The following GABRR2 variants were observed in gnomAD, a reference collection of about 807,000 sequenced individuals.
The protein encoded by GABRR2 is gamma-aminobutyric acid receptor subunit rho-2.
A neutral mutation model predicts 47.0 loss-of-function variants in GABRR2; 36 were observed. That is an observed-to-expected ratio of 0.77 (90% CI 0.59 to 1.01). The LOEUF (loss-of-function observed/expected upper bound fraction) is 1.01. Among genes scored for constraint, GABRR2 ranks in the 50% least tolerant of loss-of-function variants. The probability of loss-of-function intolerance (pLI) is 0.00; values close to 1 mark genes in which losing one functional copy is unlikely to be tolerated. For missense variants in GABRR2, 587 were observed against 594.6 expected, an observed-to-expected ratio of 0.99 and a Z score of 0.13; for synonymous variants, 204 against 227.5, an observed-to-expected ratio of 0.90 and a Z score of 0.93.
At chr6:89,274,196 T>C (rs1774114094) in intron 2 of GABRR2, among the ~76,000 whole-genome samples, 2 of 152,238 alleles carry the variant, frequency 1.3e-5, no homozygotes, top group South Asian at 2.1e-4. Flanking sequence ...GTATTGCCCA[T>C]GCGGAGTGCA....
At chr6:89,302,694 C>G (rs1767477430) in intron 1 of GABRR2, 1 of 1,322,578 alleles carries the variant, frequency 7.6e-7, no homozygotes, top group Non-Finnish European at 1.1e-6. Flanking sequence ...CGGCTGCTAC[C>G]TGGCAGTGGC....
intron 8 of GABRR2, among the ~76,000 whole-genome samples, chr6:89,263,474 T>A (rs1385877881): frequency 6.6e-6 from 1 of 152,198 alleles, no homozygotes; most frequent in Non-Finnish European, 1.5e-5. Flanking sequence ...AAGGATCGAC[T>A]GTAGTATAAT....
intron 6 of GABRR2, 135 bp from the exon 7 acceptor site, chr6:89,265,900 T>C: frequency 5.1e-6 from 4 of 779,492 alleles, no homozygotes; most frequent in Non-Finnish European, 8.2e-6. Context: ...GTTGGCTTAA[T>C]ATAATACCTT....
intron 6 of GABRR2, among the ~76,000 whole-genome samples, chr6:89,266,055 G>A (rs111378993): frequency 3.1e-4 from 47 of 152,142 alleles, no homozygotes; most frequent in African/African-American, 1.1e-3. Context: ...AGTTTTAGTC[G>A]TTTGGGTTTT....
Position 89,257,654 on chromosome 6 carries a change from A to G in GABRR2, c.*16T>C, listed in dbSNP as rs762123817. 1.9e-6 allele frequency: 3 copies of G among 1,596,516 alleles called. No individual in the cohort carries two copies. The highest frequency in any genetic ancestry group is 2.6e-6 in the Non-Finnish European group (3 of 1,169,284). ...CTCGATGTCTATGCCCTCTTCTAGG[A>G]ACAGCCTTGGAGCCCCTAGGAAAAC... is the stretch of plus-strand genomic sequence containing the variant. On this transcript the variant is annotated 3_prime_UTR_variant, in exon 9 of 9. Transcript: ENST00000402938.
intron 6 of GABRR2, among the ~76,000 whole-genome samples, chr6:89,266,817 T>A (rs1003193063): frequency 2.0e-5 from 3 of 152,090 alleles, no homozygotes; most frequent in African/African-American, 7.2e-5. Flanking sequence ...ATTCTATTTC[T>A]CTCTCTTTAT....
intron 3 of GABRR2, among the ~76,000 whole-genome samples, chr6:89,269,986 A>C (rs78598955): frequency 0.013 from 1,957 of 152,322 alleles, 19 homozygotes; most frequent in South Asian, 0.02. Context: ...TTCTGGGTGG[A>C]GGAAGGCTGG....
rs114961359 is a variant in GABRR2 at position 89,284,125 on chromosome 6, T to A, written c.221-12403A>T. On this transcript the variant is annotated intron_variant, in intron 2 of 8. Transcript: ENST00000402938. ...GCAGTTCAAGAGTAAGCAAAACTAG[T>A]CCATGGAGACAGAGGTCAGAAAAAT... is the stretch of plus-strand genomic sequence containing the variant. 4.1e-3 allele frequency among the ~76,000 whole-genome samples: 621 copies of A among 152,106 alleles called. 1 individual carries two copies. Among genetic ancestry groups the A allele is most frequent in the African/African-American group, 0.012 (494 of 41,486 alleles).
At chr6:89,260,991 A>C (rs537799143) in intron 8 of GABRR2, among the ~76,000 whole-genome samples, 23 of 152,368 alleles carry the variant, frequency 1.5e-4, no homozygotes, top group African/African-American at 5.3e-4. Context: ...CTCTCACCTC[A>C]GGATGTCTGT....
Position 89,315,186 on chromosome 6 carries a change from A to C in GABRR2, c.-21T>G. 1 of 1,613,602 alleles carries C rather than the reference A, an allele frequency of 6.2e-7. No homozygotes were observed. The highest frequency in any genetic ancestry group is 1.1e-5 in the South Asian group (1 of 91,058). On this transcript the variant is annotated 5_prime_UTR_variant, in exon 1 of 9. Transcript: ENST00000402938. The stretch of plus-strand genomic sequence containing the variant: ...GGCATTTTGTGGACATCTGTGAGGC[A>C]AAAAGCTGCTTTCCAGTAGCCTGTG...
chr6:89,269,215 T>A lies in GABRR2; in HGVS notation c.308A>T (p.Tyr103Phe). 3.7e-6 allele frequency: 6 copies of A among 1,614,012 alleles called. No individual in the cohort carries two copies. Among genetic ancestry groups the A allele is most frequent in the Non-Finnish European group, 5.1e-6 (6 of 1,179,886 alleles). ...CTCATCCTTCCAGTAATGCCGCAGG[T>A]ACAGGGTCATAGTGAAGTCCTGTGG... ...EVDMDFTMTL[Y>F]LRHYWKDERL... is the part of the protein sequence containing the mutation. Residue 103 changes from tyrosine to phenylalanine, a missense_variant, in exon 4 of 9, where the codon TAC becomes TTC. Tyr to Phe is a conservative substitution (Grantham distance 22, BLOSUM62 3). Transcript: ENST00000402938.
At chr6:89,274,332 T>C (rs932257558) in intron 2 of GABRR2, among the ~76,000 whole-genome samples, 5 of 152,156 alleles carry the variant, frequency 3.3e-5, no homozygotes, top group African/African-American at 1.2e-4. Context: ...CTGCCCTCCT[T>C]GGTCTGAGCG....
At chr6:89,298,082 G>A (rs921964043) in intron 2 of GABRR2, among the ~76,000 whole-genome samples, 24 of 152,198 alleles carry the variant, frequency 1.6e-4, no homozygotes, top group Middle Eastern at 3.4e-3. Flanking sequence ...ACGAATCCCC[G>A]AGGAAACCCA....
intron 1 of GABRR2, among the ~76,000 whole-genome samples, chr6:89,309,432 G>A (rs976386617): frequency 3.3e-5 from 5 of 151,830 alleles, no homozygotes; most frequent in African/African-American, 1.2e-4. Context: ...TGGATTCTAG[G>A]CTCTCCCACC....
At position 89,269,081 on chromosome 6, in the gene GABRR2, T is replaced by C. The variant is rs1773981229; in HGVS notation, c.442A>G (p.Thr148Ala). ...VFFVHSKRSF[T>A]HDTTTDNIML... The stretch of plus-strand genomic sequence containing the variant: ...ATGTTGTCAGTGGTGGTGTCATGAG[T>C]GAACGATCTTTTGGAGTGAACAAAG... The change falls in exon 4 of 9, where the codon ACT becomes GCT. Residue 148 changes from threonine to alanine, a missense_variant. Transcript: ENST00000402938. The C allele has an allele frequency of 6.2e-7, 1 of 1,613,798 alleles. No individual in the cohort carries two copies. Among genetic ancestry groups the C allele is most frequent in the African/African-American group, 1.3e-5 (1 of 74,874 alleles).
chr6:89,303,835 G>A (rs992784660), intron 1 of GABRR2, among the ~76,000 whole-genome samples: 24 of 152,192 alleles, frequency 1.6e-4, no homozygotes, highest in Middle Eastern at 3.4e-3. Flanking sequence ...CTTATGCAAA[G>A]CCAACAAAAG....
In GABRR2 at chr6:89,279,399, G is replaced by A. The variant is rs181289335; in HGVS notation, c.221-7677C>T. ...CGTGTGTGTGTGTGTGCATGCATGC[G>A]GGTGTGTGCTCACTCTGGTGTGTGT... On this transcript the variant is annotated intron_variant, in intron 2 of 8. Coordinates refer to ENST00000402938, the MANE Select transcript of GABRR2 (RefSeq NM_002043.5). 1.0e-3 allele frequency among the ~76,000 whole-genome samples: 158 copies of A among 152,236 alleles called. 1 individual carries two copies. Among genetic ancestry groups the A allele is most frequent in the African/African-American group, 3.0e-3 (124 of 41,544 alleles).
rs758604116 is a variant in GABRR2 at position 89,311,134 on chromosome 6, G to A, written c.113+3919C>T. Among the ~76,000 whole-genome samples, 12 of 152,292 alleles carry A rather than the reference G, an allele frequency of 7.9e-5. No homozygotes were observed. In the South Asian group the frequency reaches 1.2e-3, roughly 16 times the overall value. On this transcript the variant is annotated intron_variant, in intron 1 of 8. Coordinates refer to ENST00000402938, the MANE Select transcript of GABRR2 (RefSeq NM_002043.5). ...AGGCCTGGGTCTCTGGGCAGTGACC[G>A]TGTGAGGTGCCACGTGCAGACGCCC...
intron 2 of GABRR2, among the ~76,000 whole-genome samples, chr6:89,283,551 G>A (rs776303007): frequency 7.2e-5 from 11 of 152,188 alleles, no homozygotes; most frequent in Admixed American, 2.6e-4. Context: ...CAATAACAAC[G>A]AGAGTATATA....
Sources: gnomAD v4.1 joint callset for allele counts (sites outside exome capture counted in the v4.1 genomes callset) on GRCh38, gnomAD v4.1.1 for gene constraint, MANE v1.5 for transcripts, NCBI Gene and HGNC (gene_info 2026-07-23, HGNC 2026-07-21) for gene names.